Variants in SFMBT2 observed in about 807,000 individuals in gnomAD.
SFMBT2 encodes scm-like with four MBT domains protein 2.
SFMBT2 carries 38 observed loss-of-function variants against 110.1 expected under a neutral mutation model. The observed-to-expected ratio is 0.35, with a 90% CI of 0.27 to 0.45. SFMBT2 has a LOEUF of 0.45. Ranked by LOEUF, SFMBT2 falls within the 20% of genes least tolerant of loss-of-function variation. SFMBT2 has a pLI of 1.00. For missense variants in SFMBT2, 1,011 were observed against 1,094.9 expected (o/e 0.92, Z 1.08); for synonymous variants, 425 against 425.4 (o/e 1.00, Z 0.01).
At chr10:7,237,953 G>A (rs1840308130) in intron 9 of SFMBT2, among the ~76,000 whole-genome samples, 1 of 152,168 alleles carries the variant, frequency 6.6e-6, no homozygotes, top group Non-Finnish European at 1.5e-5. Flanking sequence ...GGAACAGCAG[G>A]TGCCACGTCA....
chr10:7,186,042 C>T (rs1182390582), intron 16 of SFMBT2, among the ~76,000 whole-genome samples: 1 of 152,032 alleles, frequency 6.6e-6, no homozygotes, highest in Admixed American at 6.6e-5. Flanking sequence ...TAATGATAGA[C>T]TCCTCACAAG....
chr10:7,305,207 G>A (rs1022336992), intron 4 of SFMBT2, among the ~76,000 whole-genome samples: 3 of 152,202 alleles, frequency 2.0e-5, no homozygotes, highest in Non-Finnish European at 2.9e-5. Flanking sequence ...TTAGGGAGGC[G>A]ACATCACCTG....
At chr10:7,183,555 C>T (rs999217706) in intron 16 of SFMBT2, among the ~76,000 whole-genome samples, 3 of 152,178 alleles carry the variant, frequency 2.0e-5, no homozygotes, top group African/African-American at 7.2e-5. Flanking sequence ...CCATTATCTG[C>T]TGTAAAATAG....
chr10:7,313,906 A>C (rs1009065435), intron 4 of SFMBT2, among the ~76,000 whole-genome samples: 2 of 152,200 alleles, frequency 1.3e-5, no homozygotes, highest in African/African-American at 4.8e-5. Flanking sequence ...TAGAAACAGG[A>C]AAATATCTAG....
At chr10:7,289,044 C>T (rs577488319) in intron 4 of SFMBT2, among the ~76,000 whole-genome samples, 20 of 151,392 alleles carry the variant, frequency 1.3e-4, no homozygotes, top group Admixed American at 1.1e-3. Context: ...GTGTTCAGAG[C>T]CCAATCTCAC....
At chr10:7,314,297 G>A (rs776446165) in intron 4 of SFMBT2, among the ~76,000 whole-genome samples, 74 of 152,142 alleles carry the variant, frequency 4.9e-4, no homozygotes, top group Non-Finnish European at 6.3e-4. Flanking sequence ...TTGCTGCCTC[G>A]CAAAATGACT....
chr10:7,309,374 C>T (rs778448492), intron 4 of SFMBT2, among the ~76,000 whole-genome samples: 3 of 152,206 alleles, frequency 2.0e-5, no homozygotes, highest in Non-Finnish European at 4.4e-5. Flanking sequence ...TTGTCCAGGT[C>T]TGCTGCCTCT....
rs147380140 is a variant in SFMBT2, at chr10:7,195,200, C to T, written c.1698+2348G>A. The stretch of plus-strand genomic sequence containing the variant: ...AATTCTCACTCTAGGGTCCTATTTC[C>T]GATGGTGGCAGAAATTCTTATGTGT... On this transcript the variant is annotated intron_variant, in intron 15 of 20. Transcript: ENST00000397167. 2.3e-3 allele frequency among the ~76,000 whole-genome samples: 344 copies of T among 152,318 alleles called. 1 individual carries two copies. The highest frequency in any genetic ancestry group is 4.3e-3 in the Non-Finnish European group (290 of 68,026).
rs78435305 is a variant in SFMBT2, at chr10:7,292,176, C to A, written c.437-6222G>T. 3.7e-4 allele frequency: 76 copies of A among 206,492 alleles called. No individual in the cohort carries two copies. In the East Asian group the frequency reaches 0.012, roughly 33 times the overall value. 12.8% of individuals were successfully genotyped at this position (206,492 alleles called of 1,614,324 possible). ...CTTAATCCACTGAAACTCCTCCCAG[C>A]TCACAAGAGAACCGAGCCTTCTCAA... On this transcript the variant is annotated intron_variant, in intron 4 of 20. Transcript: ENST00000397167.
chr10:7,244,559 T>C (rs1016149885), intron 8 of SFMBT2, among the ~76,000 whole-genome samples: 1 of 151,864 alleles, frequency 6.6e-6, no homozygotes, highest in Non-Finnish European at 1.5e-5. Flanking sequence ...AATGAAGAAA[T>C]AAGAACAAGA....
At chr10:7,243,889 T>G (rs1203559689) in intron 8 of SFMBT2, among the ~76,000 whole-genome samples, 184 bp from the exon 9 acceptor site, 5 of 152,220 alleles carry the variant, frequency 3.3e-5, no homozygotes, top group African/African-American at 1.2e-4. Flanking sequence ...TAGAATTGAC[T>G]GCTGTGGTCC....
chr10:7,368,267 G>C, intron 3 of SFMBT2: 1 of 858,388 alleles, frequency 1.2e-6, no homozygotes, highest in Non-Finnish European at 1.4e-6. Flanking sequence ...TCTGAATGTG[G>C]ACTACACGGT....
chr10:7,225,422 A>T (rs1839871905), intron 10 of SFMBT2, among the ~76,000 whole-genome samples: 1 of 152,242 alleles, frequency 6.6e-6, no homozygotes, highest in Non-Finnish European at 1.5e-5. Flanking sequence ...CGTAATACGC[A>T]TTCCGTTAAA....
At chr10:7,231,507 T>C (rs1052467884) in intron 9 of SFMBT2, among the ~76,000 whole-genome samples, 1 of 152,230 alleles carries the variant, frequency 6.6e-6, no homozygotes. Context: ...AGCTGGGCTT[T>C]CTATAACTAA....
intron 4 of SFMBT2, among the ~76,000 whole-genome samples, chr10:7,322,144 G>T (rs1843210637): frequency 6.6e-6 from 1 of 152,158 alleles, no homozygotes; most frequent in Non-Finnish European, 1.5e-5. Context: ...ATTGAATCAT[G>T]GGGGTGGGTT....
intron 1 of SFMBT2, among the ~76,000 whole-genome samples, chr10:7,401,100 T>A (rs974905847): frequency 1.3e-5 from 2 of 152,118 alleles, no homozygotes; most frequent in Middle Eastern, 3.4e-3. Context: ...GCCACTGCAC[T>A]CCAGCCTGGC....
Position 7,171,885 on chromosome 10 carries a change from C to A in SFMBT2, c.2415+10G>T. 1 of 1,412,254 alleles carries A rather than the reference C, an allele frequency of 7.1e-7. No individual in the cohort carries two copies. The highest frequency in any genetic ancestry group is 1.5e-5 in the African/African-American group (1 of 67,468). 87.5% of individuals were successfully genotyped at this position (1,412,254 alleles called of 1,614,324 possible). A position where few individuals can be genotyped will look rare whatever the true frequency, so the allele number is the denominator to read the frequency against. On this transcript the variant is annotated intron_variant, in intron 19 of 20. Transcript: ENST00000397167. The surrounding 1 kb of genome is among the most constrained non-coding windows in gnomAD (Gnocchi z 4.9). ...GCGGGAAGCCCTCTGTCCCCACGCC[C>A]GGGCATCACCTCTGTCCCCTCGGGC...
chr10:7,224,174 C>T (rs909011185), intron 10 of SFMBT2, among the ~76,000 whole-genome samples: 5 of 152,156 alleles, frequency 3.3e-5, no homozygotes, highest in Admixed American at 1.3e-4. Flanking sequence ...CTCTGGATTA[C>T]GTTATATTCC....
intron 16 of SFMBT2, among the ~76,000 whole-genome samples, chr10:7,186,423 TATACACACACACAC>T (rs1474627377): frequency 2.8e-5 from 3 of 108,136 alleles, no homozygotes; most frequent in Non-Finnish European, 5.6e-5. Context: ...ACATACTATA[TATACACACACACAC>T]ACACACACAC....
Sources: allele counts gnomAD v4.1 joint callset (sites outside exome capture counted in the v4.1 genomes callset), GRCh38; gene constraint gnomAD v4.1.1; non-coding constraint Gnocchi (gnomAD v3.1); transcripts MANE v1.5; gene names NCBI Gene and HGNC (gene_info 2026-07-23, HGNC 2026-07-21).